SLC24A2: variants seen among roughly 807,000 people sequenced by gnomAD.
The protein encoded by SLC24A2 is solute carrier family 24 member 2.
Under a neutral mutation model 62.0 loss-of-function variants are expected in SLC24A2, and 36 were observed. That is an observed-to-expected ratio of 0.58 (90% CI 0.44 to 0.77). SLC24A2 has a LOEUF of 0.77. Ranked by LOEUF, SLC24A2 falls within the 30% of genes least tolerant of loss-of-function variation. SLC24A2 has a pLI of 0.00. For missense variants in SLC24A2, 846 were observed against 817.9 expected, an observed-to-expected ratio of 1.03 and a Z score of -0.42; for synonymous variants, 358 against 294.0, an observed-to-expected ratio of 1.22 and a Z score of -2.23.
the SLC24A2 span, among the ~76,000 whole-genome samples, chr9:20,077,138 G>A: frequency 4.6e-5 from 7 of 151,866 alleles, no homozygotes; most frequent in East Asian, 1.9e-4. Flanking sequence ...GGGGCAGAGC[G>A]TGTGGTGAGG....
the SLC24A2 span, among the ~76,000 whole-genome samples, chr9:20,059,009 G>T: frequency 8.5e-5 from 13 of 152,318 alleles, no homozygotes; most frequent in South Asian, 2.7e-3. Context: ...TGAGTGCATT[G>T]ACTGTAGATA....
chr9:20,293,973 C>T, the SLC24A2 span, among the ~76,000 whole-genome samples: 1 of 152,126 alleles, frequency 6.6e-6, no homozygotes, highest in Non-Finnish European at 1.5e-5. Flanking sequence ...CCCTGACTCC[C>T]ATTCCGTGTA....
intron 10 of SLC24A2, among the ~76,000 whole-genome samples, chr9:19,518,406 T>C (rs1195146788): frequency 6.6e-6 from 1 of 151,776 alleles, no homozygotes; most frequent in African/African-American, 2.4e-5. Context: ...TTTTCTTTTC[T>C]TTCTTTTTCT....
intron 8 of SLC24A2, among the ~76,000 whole-genome samples, chr9:19,547,572 G>A (rs1174359967): frequency 6.8e-6 from 1 of 147,588 alleles, no homozygotes; most frequent in East Asian, 1.9e-4. Flanking sequence ...CACTTTGCCA[G>A]CCCTTTCTCT....
chr9:20,180,784 A>G, the SLC24A2 span, among the ~76,000 whole-genome samples: 1,070 of 152,342 alleles, frequency 7.0e-3, 16 homozygotes, highest in African/African-American at 0.025. Context: ...GTTTAAAGAT[A>G]ATATTCCTTA....
At chr9:20,095,562 T>C in the SLC24A2 span, among the ~76,000 whole-genome samples, 3 of 152,204 alleles carry the variant, frequency 2.0e-5, no homozygotes, top group East Asian at 5.8e-4. Context: ...CATTGCCTTT[T>C]TTTTCTACTT....
chr9:19,808,488 G>T, the SLC24A2 span, among the ~76,000 whole-genome samples: 3 of 152,088 alleles, frequency 2.0e-5, no homozygotes, highest in Non-Finnish European at 2.9e-5. This position sits in a 1 kb window ranked among gnomAD's most constrained non-coding sequence, Gnocchi z 4.1. Context: ...ATGCTAACCC[G>T]TCCAAACCCA....
At chr9:19,885,815 G>A in the SLC24A2 span, among the ~76,000 whole-genome samples, 1 of 152,024 alleles carries the variant, frequency 6.6e-6, no homozygotes, top group African/African-American at 2.4e-5. Flanking sequence ...TGTTCTCATT[G>A]TTTCGGTTCC....
chr9:19,773,651 A>G (rs1235262754), intron 2 of SLC24A2, among the ~76,000 whole-genome samples: 1 of 152,208 alleles, frequency 6.6e-6, no homozygotes, highest in Non-Finnish European at 1.5e-5. Flanking sequence ...CCTTCTACCT[A>G]TGACACCAAG....
the SLC24A2 span, among the ~76,000 whole-genome samples, chr9:20,009,383 C>CAAAAAAAA: frequency 8.9e-6 from 1 of 112,330 alleles, no homozygotes; most frequent in Non-Finnish European, 1.8e-5. Flanking sequence ...AACTCTGTCT[C>CAAAAAAAA]AAAAAAAAAA....
intron 2 of SLC24A2, among the ~76,000 whole-genome samples, chr9:19,671,239 G>C (rs997438480): frequency 3.3e-5 from 5 of 151,768 alleles, no homozygotes; most frequent in African/African-American, 1.2e-4. Flanking sequence ...GTGTTTCATA[G>C]TTTTCCTTGT....
chr9:19,840,472 T>C, the SLC24A2 span, among the ~76,000 whole-genome samples: 4 of 152,216 alleles, frequency 2.6e-5, no homozygotes, highest in African/African-American at 9.6e-5. Flanking sequence ...CAGGAGCTTT[T>C]CCTGGGCCCT....
intron 2 of SLC24A2, among the ~76,000 whole-genome samples, chr9:19,758,451 G>A (rs1192848094): frequency 6.6e-6 from 1 of 152,036 alleles, no homozygotes; most frequent in Non-Finnish European, 1.5e-5. Context: ...CCTGTTTGTG[G>A]GATCAGAAAG....
the SLC24A2 span, among the ~76,000 whole-genome samples, chr9:20,113,886 A>G: frequency 6.6e-6 from 1 of 152,204 alleles, no homozygotes; most frequent in Non-Finnish European, 1.5e-5. Flanking sequence ...ATCAGAAAAA[A>G]ATATAAAACA....
chr9:19,997,803 G>A, the SLC24A2 span, among the ~76,000 whole-genome samples: 1 of 152,164 alleles, frequency 6.6e-6, no homozygotes, highest in Non-Finnish European at 1.5e-5. Context: ...CAATGAAACT[G>A]TATTTGGATA....
the SLC24A2 span, among the ~76,000 whole-genome samples, chr9:20,061,708 T>G: frequency 8.6e-4 from 131 of 152,176 alleles, no homozygotes; most frequent in African/African-American, 3.1e-3. Context: ...TCAATATCAA[T>G]GCAAGAATTA....
At chr9:20,259,118 A>G in the SLC24A2 span, among the ~76,000 whole-genome samples, 3 of 152,192 alleles carry the variant, frequency 2.0e-5, no homozygotes, top group African/African-American at 7.2e-5. Context: ...ACCATAAGCC[A>G]AGGAATGTGA....
chr9:19,557,916 C>G (rs990815498), intron 7 of SLC24A2, among the ~76,000 whole-genome samples: 1 of 151,616 alleles, frequency 6.6e-6, no homozygotes, highest in Non-Finnish European at 1.5e-5. Context: ...TCTCCCTGGG[C>G]TCAAGCAATC....
chr9:20,093,226 C>T, the SLC24A2 span, among the ~76,000 whole-genome samples: 22 of 151,954 alleles, frequency 1.4e-4, no homozygotes, highest in South Asian at 1.0e-3. Flanking sequence ...GCATGCACGA[C>T]CACACCTGGC....
Sources: allele counts gnomAD v4.1 joint callset (sites outside exome capture counted in the v4.1 genomes callset), GRCh38; gene constraint gnomAD v4.1.1; non-coding constraint Gnocchi (gnomAD v3.1); transcripts MANE v1.5; gene names NCBI Gene and HGNC (gene_info 2026-07-23, HGNC 2026-07-21).